DCBLD2: variants seen among roughly 807,000 people sequenced by gnomAD.
DCBLD2 encodes discoidin, CUB and LCCL domain containing 2.
In DCBLD2, 54 loss-of-function variants were observed where a neutral mutation model predicts 86.8. The ratio of observed to expected loss-of-function variants is 0.62; its 90% CI spans 0.50 to 0.78. The LOEUF is 0.78. Among genes scored for constraint, DCBLD2 ranks in the 30% least tolerant of loss-of-function variants. The probability of loss-of-function intolerance (pLI) is 0.00; values close to 1 mark genes in which losing one functional copy is unlikely to be tolerated. For missense variants in DCBLD2, 908 were observed against 954.2 expected, an observed-to-expected ratio of 0.95 and a Z score of 0.64; for synonymous variants, 354 against 341.3, an observed-to-expected ratio of 1.04 and a Z score of -0.41.
In DCBLD2 at chr3:98,835,675, G is replaced by A. The variant is rs1440626372; in HGVS notation, c.572-10309C>T. 4.1e-5 allele frequency among the ~76,000 whole-genome samples: 6 copies of A among 145,674 alleles called. 1 individual carries two copies. The highest frequency in any genetic ancestry group is 7.5e-5 in the African/African-American group (3 of 39,782). ...AGCGATTCTCTCGTCTTAGCCTCCC[G>A]AGTAGCTGGGACTACAGGCACGTGC... On this transcript the variant is annotated intron_variant, in intron 3 of 15. Transcript: ENST00000326840.
chr3:98,805,243 G>T (rs897518863), intron 13 of DCBLD2, among the ~76,000 whole-genome samples: 3 of 151,998 alleles, frequency 2.0e-5, no homozygotes, highest in African/African-American at 7.2e-5. Context: ...TAAAAAATTT[G>T]TGGAAAAGAT....
At chr3:98,882,870 C>T (rs998520230) in intron 1 of DCBLD2, among the ~76,000 whole-genome samples, 6 of 152,094 alleles carry the variant, frequency 3.9e-5, no homozygotes, top group African/African-American at 9.7e-5. Context: ...TGAATAGTGC[C>T]GCAATAAACA....
At position 98,804,181 on chromosome 3, in the gene DCBLD2, T is replaced by A. The variant is rs189234886; in HGVS notation, c.1671-2532A>T. On this transcript the variant is annotated intron_variant, in intron 13 of 15. Transcript: ENST00000326840. The stretch of plus-strand genomic sequence containing the variant: ...GCTATGAATCCGTCTGGTCCTGGAC[T>A]TTTTTTGGTTGGTAGGCTATTAATT... 1.2e-4 allele frequency among the ~76,000 whole-genome samples: 19 copies of A among 152,280 alleles called. No homozygotes were observed. The East Asian group carries it at 3.7e-3, about 29-fold the overall frequency.
intron 2 of DCBLD2, among the ~76,000 whole-genome samples, chr3:98,861,330 T>A (rs886943734): frequency 6.6e-6 from 1 of 152,044 alleles, no homozygotes; most frequent in African/African-American, 2.4e-5. Flanking sequence ...GAAAGAAAGT[T>A]AACAGGGATA....
chr3:98,821,359 T>A (rs1165906992), intron 6 of DCBLD2, among the ~76,000 whole-genome samples: 1 of 152,236 alleles, frequency 6.6e-6, no homozygotes, highest in Non-Finnish European at 1.5e-5. Context: ...TGCATTTCTA[T>A]TTAATGTTTC....
At chr3:98,850,472 T>C (rs1275630280) in intron 2 of DCBLD2, among the ~76,000 whole-genome samples, 2 of 152,158 alleles carry the variant, frequency 1.3e-5, no homozygotes, top group Admixed American at 6.6e-5. Context: ...GTCTATCAGA[T>C]ATATAAAAAA....
intron 3 of DCBLD2, among the ~76,000 whole-genome samples, chr3:98,838,909 G>A (rs1483298976): frequency 2.6e-5 from 4 of 151,584 alleles, no homozygotes; most frequent in Non-Finnish European, 5.9e-5. Flanking sequence ...GGCGGCGCGT[G>A]CCTGCAATCG....
Position 98,799,572 on chromosome 3 carries a change from G to A in DCBLD2, c.2128C>T (p.Pro710Ser). ...AGTGTATTGTAAGTTCCCACTAGTG[G>A]GGGAGGTTGGTTCCCCGTAGCCTTG... is the stretch of plus-strand genomic sequence containing the variant. ...TFKATGNQPP[P>S]LVGTYNTLLS... is the part of the protein sequence containing the mutation. The change falls in exon 16 of 16, where the codon CCA becomes TCA. Residue 710 changes from proline (P) to serine (S), a missense_variant. By Grantham distance (74) the Pro-to-Ser change is moderately conservative. This residue lies in a region of DCBLD2 where 606 missense variants were observed against 678.5 expected (regional missense o/e 0.89). Coordinates refer to ENST00000326840, the MANE Select transcript of DCBLD2 (RefSeq NM_080927.4). 1 of 1,613,960 alleles carries A rather than the reference G, an allele frequency of 6.2e-7. No homozygotes were observed. The highest frequency in any genetic ancestry group is 8.5e-7 in the Non-Finnish European group (1 of 1,179,876).
intron 9 of DCBLD2, among the ~76,000 whole-genome samples, chr3:98,816,784 CT>C (rs35181761): frequency 6.6e-6 from 1 of 151,878 alleles, no homozygotes; most frequent in Non-Finnish European, 1.5e-5. Flanking sequence ...TGTTTCAGTT[CT>C]TTTTTTTCCA....
At chr3:98,811,435 A>T in intron 11 of DCBLD2, 33 bp downstream of exon 11, 1 of 1,613,040 alleles carries the variant, frequency 6.2e-7, no homozygotes, top group Non-Finnish European at 8.5e-7. Flanking sequence ...AAATCCAAGG[A>T]ATATCAAATT....
rs146404034 is a variant in DCBLD2, at chr3:98,854,328, G to C, written c.434-4730C>G. On this transcript the variant is annotated intron_variant, in intron 2 of 15. Coordinates refer to ENST00000326840, the MANE Select transcript of DCBLD2 (RefSeq NM_080927.4). ...TCTTATGCTTGGTGGGCCAGAGTGA[G>C]GTGGAGATGTACAAATTAACCCCCT... is the stretch of plus-strand genomic sequence containing the variant. Among the ~76,000 whole-genome samples the C allele has an allele frequency of 7.0e-3, 1,068 of 152,184 alleles. 8 individuals are homozygous for C. The highest frequency in any genetic ancestry group is 0.019 in the African/African-American group (798 of 41,510).
Position 98,861,178 on chromosome 3 carries a change from T to A in DCBLD2, c.434-11580A>T, listed in dbSNP as rs535187141. Among the ~76,000 whole-genome samples the A allele has an allele frequency of 1.7e-3, 265 of 152,264 alleles. 3 individuals carry two copies. The highest frequency in any genetic ancestry group is 5.9e-3 in the African/African-American group (244 of 41,548). ...TCAATTCAACAAGAAGAGCTAACTA[T>A]CCTAAATATATATGCAGCCAATACA... On this transcript the variant is annotated intron_variant, in intron 2 of 15. Coordinates refer to ENST00000326840, the MANE Select transcript of DCBLD2 (RefSeq NM_080927.4).
chr3:98,850,017 CT>C (rs1942805039), intron 2 of DCBLD2, among the ~76,000 whole-genome samples: 1 of 152,084 alleles, frequency 6.6e-6, no homozygotes, highest in South Asian at 2.1e-4. Flanking sequence ...TCCCTCAAGC[CT>C]TTTTTTGGAC....
chr3:98,882,991 C>T (rs577685411), intron 1 of DCBLD2, among the ~76,000 whole-genome samples: 10 of 152,272 alleles, frequency 6.6e-5, no homozygotes, highest in Admixed American at 1.3e-4. Context: ...CTTGAGGAAT[C>T]GCCACACTGT....
At chr3:98,841,480 C>T (rs921070858) in intron 3 of DCBLD2, among the ~76,000 whole-genome samples, 1 of 152,044 alleles carries the variant, frequency 6.6e-6, no homozygotes, top group African/African-American at 2.4e-5. Context: ...ATATATAATA[C>T]CATGAAAATA....
chr3:98,834,174 T>A (rs1304847342), intron 3 of DCBLD2, among the ~76,000 whole-genome samples: 67 of 151,300 alleles, frequency 4.4e-4, no homozygotes, highest in African/African-American at 1.6e-3. Flanking sequence ...TTAAATTTTT[T>A]TATTGATACA....
rs577321044 is a variant in DCBLD2, at chr3:98,859,085, C to T, written c.434-9487G>A. Among the ~76,000 whole-genome samples, 35 of 152,286 alleles carry T rather than the reference C, an allele frequency of 2.3e-4. No homozygotes were observed. In the South Asian group the frequency reaches 4.1e-3, roughly 18 times the overall value. ...CGGCACACCAGGAGATTACATCCCA[C>T]GCCTGGCTCGGAGGGTCCTACGCCA... On this transcript the variant is annotated intron_variant, in intron 2 of 15. Coordinates refer to ENST00000326840, the MANE Select transcript of DCBLD2 (RefSeq NM_080927.4).
chr3:98,847,806 T>C (rs971263957), intron 3 of DCBLD2, among the ~76,000 whole-genome samples: 2 of 152,152 alleles, frequency 1.3e-5, no homozygotes. Context: ...TGTTTTGATA[T>C]ATTCTTGTAC....
At chr3:98,866,676 A>T (rs1943152594) in intron 2 of DCBLD2, among the ~76,000 whole-genome samples, 1 of 152,130 alleles carries the variant, frequency 6.6e-6, no homozygotes, top group Non-Finnish European at 1.5e-5. Flanking sequence ...CTCTGATGGT[A>T]GTTTCTTTTG....
Sources: allele counts gnomAD v4.1 joint callset (sites outside exome capture counted in the v4.1 genomes callset), GRCh38; gene constraint gnomAD v4.1.1; regional missense constraint gnomAD v4.1.1; transcripts MANE v1.5; gene names NCBI Gene and HGNC (gene_info 2026-07-23, HGNC 2026-07-21).